Variants in SEMA3D observed in about 807,000 individuals in gnomAD.
SEMA3D encodes the protein semaphorin 3D, also known as semaphorin-3D.
In SEMA3D, 84 loss-of-function variants were observed where a neutral mutation model predicts 100.1. That is an observed-to-expected ratio of 0.84 (90% confidence interval 0.70 to 1.01). SEMA3D has a LOEUF of 1.01. SEMA3D is among the 50% of genes least tolerant of loss of function. The pLI is 0.00. For synonymous variants in SEMA3D, 312 were observed against 320.7 expected (o/e 0.97, Z 0.29); for missense variants, 875 against 934.1 (o/e 0.94, Z 0.82).
At chr7:85,001,435 C>G (rs1313119144) in intron 18 of SEMA3D, among the ~76,000 whole-genome samples, 1 of 152,176 alleles carries the variant, frequency 6.6e-6, no homozygotes, top group Non-Finnish European at 1.5e-5. Flanking sequence ...CCATAGAAGT[C>G]TCATGCCTAA....
the SEMA3D span, among the ~76,000 whole-genome samples, chr7:85,231,436 C>CTTTTTT: frequency 5.1e-5 from 6 of 117,872 alleles, no homozygotes; most frequent in Non-Finnish European, 1.0e-4. Context: ...CAATCTTTCC[C>CTTTTTT]TTTTTTTTTT....
chr7:85,212,630 T>C, the SEMA3D span, among the ~76,000 whole-genome samples: 6 of 152,022 alleles, frequency 3.9e-5, no homozygotes, highest in Non-Finnish European at 8.8e-5. Flanking sequence ...TGCTTCTTTT[T>C]AATATTAAAA....
rs376940969 is a variant in SEMA3D, at chr7:84,999,645, C to A, written c.2129G>T (p.Arg710Leu). 8.1e-6 allele frequency: 13 copies of A among 1,613,862 alleles called. No individual in the cohort carries two copies. The highest frequency in any genetic ancestry group is 1.6e-4 in the Middle Eastern group (1 of 6,084). ...GKVKDLLAES[R>L]LRYKDYIQIL... ...TTGGATGTAGTCTTTGTATCTCAAC[C>A]GTGACTCAGCCAATAGATCCTTGAC... Residue 710 changes from arginine (R) to leucine (L), a missense_variant, in exon 19 of 19, where the codon CGG (arginine) becomes CTG (leucine). Coordinates refer to ENST00000284136, the MANE Select transcript of SEMA3D (RefSeq NM_001384900.1).
rs2099052205 is a variant in SEMA3D, at chr7:84,997,218, A to ATAAG, written c.*2218_*2221dup. 6.6e-6 allele frequency: 1 copy of ATAAG among 152,128 alleles called. No homozygotes were observed. The highest frequency in any genetic ancestry group is 1.5e-5 in the Non-Finnish European group (1 of 67,950). 9.4% of individuals were successfully genotyped at this position (152,128 alleles called of 1,614,324 possible). ...TTGGATAGAAATAAAATTTATTTTC[A>ATAAG]TAAGTCAATCCTAACACTTGAGCTT... On this transcript the variant is annotated 3_prime_UTR_variant, in exon 19 of 19. Transcript: ENST00000284136.
At chr7:85,176,565 A>C (rs1306217687) in intron 1 of SEMA3D, among the ~76,000 whole-genome samples, 1 of 152,138 alleles carries the variant, frequency 6.6e-6, no homozygotes, top group Non-Finnish European at 1.5e-5. Flanking sequence ...TCAGGTCATT[A>C]TTAAATAAGT....
chr7:85,082,273 T>C (rs905880435), intron 4 of SEMA3D, among the ~76,000 whole-genome samples: 3 of 152,200 alleles, frequency 2.0e-5, no homozygotes, highest in African/African-American at 7.2e-5. Flanking sequence ...TGGGGGGGTC[T>C]CAACCATTAC....
intron 1 of SEMA3D, among the ~76,000 whole-genome samples, chr7:85,156,894 T>C (rs1790613229): frequency 6.6e-6 from 1 of 152,036 alleles, no homozygotes. Flanking sequence ...ACAAGAAAAA[T>C]AAAACAAAAA....
intron 2 of SEMA3D, among the ~76,000 whole-genome samples, chr7:85,127,630 A>C (rs1287729984): frequency 1.3e-5 from 2 of 152,188 alleles, no homozygotes; most frequent in African/African-American, 4.8e-5. Context: ...AAGTTAACAC[A>C]TTTATAAAAA....
chr7:85,216,039 T>G, the SEMA3D span, among the ~76,000 whole-genome samples: 28 of 152,226 alleles, frequency 1.8e-4, no homozygotes, highest in African/African-American at 6.5e-4. Context: ...AATGTTAACA[T>G]AGTTTATTAT....
At chr7:85,198,976 T>C in the SEMA3D span, among the ~76,000 whole-genome samples, 1 of 151,934 alleles carries the variant, frequency 6.6e-6, no homozygotes, top group Admixed American at 6.5e-5. Flanking sequence ...ACCAATAGTG[T>C]CTCAAATGTA....
intron 2 of SEMA3D, among the ~76,000 whole-genome samples, chr7:85,123,613 T>C (rs1486873591): frequency 6.6e-6 from 1 of 152,078 alleles, no homozygotes; most frequent in Non-Finnish European, 1.5e-5. Context: ...TGTTTATACA[T>C]GATAAACATT....
intron 12 of SEMA3D, 50 bp from the exon 13 acceptor site, chr7:85,022,663 A>G: frequency 8.6e-7 from 1 of 1,166,846 alleles, no homozygotes; most frequent in South Asian, 1.2e-5. Flanking sequence ...GCACCTGAGA[A>G]GTTCACACTT....
At chr7:85,058,501 A>T (rs1409096710) in intron 8 of SEMA3D, among the ~76,000 whole-genome samples, 1 of 152,042 alleles carries the variant, frequency 6.6e-6, no homozygotes, top group African/African-American at 2.4e-5. Flanking sequence ...TAATCCCAGC[A>T]CTTTGGGAGG....
the SEMA3D span, among the ~76,000 whole-genome samples, chr7:85,232,559 T>C: frequency 2.6e-5 from 4 of 152,214 alleles, no homozygotes; most frequent in South Asian, 2.1e-4. Context: ...TTGTGAATCT[T>C]GTGCAACTAA....
intron 1 of SEMA3D, among the ~76,000 whole-genome samples, chr7:85,174,310 T>A (rs1791166481): frequency 6.6e-6 from 1 of 152,126 alleles, no homozygotes. Flanking sequence ...ACTATTACAG[T>A]GCCTGGCATG....
At chr7:85,066,477 C>T (rs1191784042) in intron 7 of SEMA3D, among the ~76,000 whole-genome samples, 1 of 151,570 alleles carries the variant, frequency 6.6e-6, no homozygotes, top group Non-Finnish European at 1.5e-5. Context: ...CAGCAGGGAT[C>T]CATGTTCCCT....
chr7:85,078,990 G>T (rs1376144123), intron 5 of SEMA3D, among the ~76,000 whole-genome samples: 2 of 152,278 alleles, frequency 1.3e-5, no homozygotes, highest in East Asian at 1.9e-4. Flanking sequence ...ATTATAGAAA[G>T]AAATAACTTG....
chr7:85,123,135 G>A (rs1049318264), intron 2 of SEMA3D, among the ~76,000 whole-genome samples: 1 of 152,066 alleles, frequency 6.6e-6, no homozygotes, highest in African/African-American at 2.4e-5. Context: ...GTAAGAGATG[G>A]ATCAAATCAA....
rs79374113 is a variant in SEMA3D, at chr7:85,086,743, A to G, written c.313-5164T>C. Among the ~76,000 whole-genome samples the G allele has an allele frequency of 6.8e-3, 1,036 of 151,954 alleles. 5 individuals are homozygous for G. Among genetic ancestry groups the G allele is most frequent in the Non-Finnish European group, 0.01 (680 of 67,958 alleles). On this transcript the variant is annotated intron_variant, in intron 4 of 18. Transcript: ENST00000284136. ...CAGTTATATAAAGGGAAAAATAGAG[A>G]TGTCAACTATAGGGTCATTGGGTAT...
Sources: allele counts gnomAD v4.1 joint callset (sites outside exome capture counted in the v4.1 genomes callset), GRCh38; gene constraint gnomAD v4.1.1; transcripts MANE v1.5; gene names NCBI Gene and HGNC (gene_info 2026-07-23, HGNC 2026-07-21).